Variants in RAD51B observed in about 807,000 individuals in gnomAD.
The protein encoded by RAD51B is RAD51 paralog B.
RAD51B carries 38 observed loss-of-function variants against 42.2 expected under a neutral mutation model. The observed-to-expected ratio is 0.90, with a 90% CI of 0.70 to 1.18. The LOEUF (loss-of-function observed/expected upper bound fraction) is 1.18, where lower values mean the gene tolerates loss of function less well. Ranked by LOEUF, RAD51B falls within the 50% of genes most tolerant of loss-of-function variation. RAD51B has a pLI of 0.00. For synonymous variants in RAD51B, 154 were observed against 145.2 expected (o/e 1.06, Z -0.43); for missense variants, 373 against 400.7 (o/e 0.93, Z 0.59).
At chr14:68,211,059 A>C (rs1415470261) in intron 7 of RAD51B, among the ~76,000 whole-genome samples, 1 of 152,218 alleles carries the variant, frequency 6.6e-6, no homozygotes, top group Non-Finnish European at 1.5e-5. Flanking sequence ...CCCACACTCA[A>C]ACATGTGCCT....
chr14:68,571,323 C>T (rs1413390607), intron 10 of RAD51B, among the ~76,000 whole-genome samples: 2 of 152,192 alleles, frequency 1.3e-5, no homozygotes, highest in Admixed American at 6.5e-5. Context: ...CCTGTATAAT[C>T]CTGGAGGTCA....
intron 7 of RAD51B, among the ~76,000 whole-genome samples, chr14:67,947,572 AT>A (rs1349857754): frequency 2.0e-5 from 3 of 152,094 alleles, no homozygotes; most frequent in South Asian, 2.1e-4. Flanking sequence ...TTGTTTTTAT[AT>A]TCATAATTTC....
intron 8 of RAD51B, among the ~76,000 whole-genome samples, chr14:68,333,718 T>C (rs2082392333): frequency 6.6e-6 from 1 of 152,220 alleles, no homozygotes; most frequent in African/African-American, 2.4e-5. Context: ...TACACATACA[T>C]TGTAGAATGG....
At chr14:68,358,148 A>G (rs985900494) in intron 8 of RAD51B, among the ~76,000 whole-genome samples, 6 of 152,232 alleles carry the variant, frequency 3.9e-5, no homozygotes, top group Admixed American at 3.3e-4. Context: ...AGAGTAACAT[A>G]AAAGATCACT....
At chr14:67,997,048 G>C (rs1306354972) in intron 7 of RAD51B, among the ~76,000 whole-genome samples, 1 of 152,152 alleles carries the variant, frequency 6.6e-6, no homozygotes, top group Non-Finnish European at 1.5e-5. Context: ...GAAGGCTGTG[G>C]GTAGAACAGG....
At chr14:68,094,606 A>C (rs1381207276) in intron 7 of RAD51B, among the ~76,000 whole-genome samples, 20 of 152,306 alleles carry the variant, frequency 1.3e-4, no homozygotes, top group Non-Finnish European at 1.0e-4. Flanking sequence ...TTAGGAGGAA[A>C]TGGGGGAGTA....
At chr14:68,284,069 A>G (rs946907527) in intron 7 of RAD51B, among the ~76,000 whole-genome samples, 1 of 151,684 alleles carries the variant, frequency 6.6e-6, no homozygotes, top group Non-Finnish European at 1.5e-5. Flanking sequence ...AGACTGAGCC[A>G]CTCTCTTCTT....
At chr14:68,493,744 A>G (rs1429520246) in intron 10 of RAD51B, among the ~76,000 whole-genome samples, 2 of 152,226 alleles carry the variant, frequency 1.3e-5, no homozygotes, top group African/African-American at 2.4e-5. Context: ...AAATCTCCCA[A>G]TGCTTTATGC....
intron 10 of RAD51B, among the ~76,000 whole-genome samples, chr14:68,495,088 T>G (rs1280346014): frequency 6.6e-6 from 1 of 152,186 alleles, no homozygotes; most frequent in Non-Finnish European, 1.5e-5. Context: ...AGAGATTATA[T>G]AACTCCCTGG....
chr14:68,216,568 C>T (rs1472994454), intron 7 of RAD51B, among the ~76,000 whole-genome samples: 2 of 152,134 alleles, frequency 1.3e-5, no homozygotes, highest in Non-Finnish European at 2.9e-5. Flanking sequence ...TTTAAGTCTC[C>T]CTGAAAGATT....
In RAD51B at chr14:68,219,795, G is replaced by T. The variant is rs761395141; in HGVS notation, c.757-72089G>T. On this transcript the variant is annotated intron_variant, in intron 7 of 10. Coordinates refer to ENST00000471583, the MANE Select transcript of RAD51B (RefSeq NM_133510.4). ...ATGAGGTTCTTTAACACCCCCAAAA[G>T]ATCATACTGGCTCACCAGCAATTGA... 2.6e-5 allele frequency among the ~76,000 whole-genome samples: 4 copies of T among 152,232 alleles called. No individual in the cohort carries two copies. The East Asian group carries it at 5.8e-4, about 22-fold the overall frequency.
chr14:68,115,587 G>A (rs537065618), intron 7 of RAD51B, among the ~76,000 whole-genome samples: 4 of 143,870 alleles, frequency 2.8e-5, no homozygotes, highest in East Asian at 2.0e-4. Context: ...AACACAAAAA[G>A]CTACAGAAGG....
intron 1 of RAD51B, 63 bp from the exon 2 acceptor site, chr14:67,823,479 T>C: frequency 7.1e-7 from 1 of 1,418,254 alleles, no homozygotes; most frequent in Non-Finnish European, 9.8e-7. Context: ...GCCTATTCAC[T>C]ATCACTTATG....
At chr14:68,045,664 A>C (rs966404313) in intron 7 of RAD51B, among the ~76,000 whole-genome samples, 6 of 152,214 alleles carry the variant, frequency 3.9e-5, no homozygotes, top group Non-Finnish European at 8.8e-5. Flanking sequence ...ATCAAGAAGC[A>C]AAACATTCTC....
chr14:67,914,832 G>A (rs1308804648), intron 7 of RAD51B, among the ~76,000 whole-genome samples: 5 of 152,292 alleles, frequency 3.3e-5, no homozygotes, highest in East Asian at 1.9e-4. Flanking sequence ...CAATGTGCAT[G>A]TTCCCATCTG....
intron 7 of RAD51B, among the ~76,000 whole-genome samples, chr14:67,895,405 A>C (rs1164794477): frequency 6.6e-6 from 1 of 152,154 alleles, no homozygotes; most frequent in Non-Finnish European, 1.5e-5. Flanking sequence ...TGCCGCTTCC[A>C]TCCTGGGTTG....
downstream of RAD51B, among the ~76,000 whole-genome samples, chr14:68,598,640 G>A (rs1327555500): frequency 6.6e-6 from 1 of 152,168 alleles, no homozygotes; most frequent in African/African-American, 2.4e-5. Context: ...CAAGTCAGAT[G>A]AAATTCCAAA....
At chr14:68,410,187 C>T (rs765171863) in intron 8 of RAD51B, among the ~76,000 whole-genome samples, 7 of 152,106 alleles carry the variant, frequency 4.6e-5, no homozygotes, top group Non-Finnish European at 8.8e-5. Context: ...TTAGACATTG[C>T]CAATAAAATC....
At chr14:68,072,328 C>G (rs911243559) in intron 7 of RAD51B, among the ~76,000 whole-genome samples, 2 of 150,680 alleles carry the variant, frequency 1.3e-5, no homozygotes, top group African/African-American at 2.5e-5. Context: ...TACATTATCA[C>G]AAGGTCCCGC....
Sources: allele counts gnomAD v4.1 joint callset (sites outside exome capture counted in the v4.1 genomes callset), GRCh38; gene constraint gnomAD v4.1.1; transcripts MANE v1.5; gene names NCBI Gene and HGNC (gene_info 2026-07-23, HGNC 2026-07-21).